Variants in ARHGAP8 observed in about 807,000 individuals in gnomAD.
ARHGAP8 encodes the protein rho GTPase-activating protein 8.
In ARHGAP8, 62 loss-of-function variants were observed where a neutral mutation model predicts 46.1. The ratio of observed to expected loss-of-function variants is 1.34; its 90% CI spans 1.10 to 1.66. The LOEUF (loss-of-function observed/expected upper bound fraction) is 1.66. ARHGAP8 is among the 40% of genes most tolerant of loss of function. ARHGAP8 has a pLI of 0.00. For missense variants in ARHGAP8, 923 were observed against 568.4 expected (o/e 1.62, Z -6.34); for synonymous variants, 375 against 243.1 (o/e 1.54, Z -5.05).
intron 7 of ARHGAP8, among the ~76,000 whole-genome samples, chr22:44,836,911 C>T (rs1264254294): frequency 6.6e-6 from 1 of 152,084 alleles, no homozygotes; most frequent in African/African-American, 2.4e-5. Flanking sequence ...CAGAGGCTCA[C>T]TCTGTCACCC....
intron 7 of ARHGAP8, among the ~76,000 whole-genome samples, chr22:44,832,912 A>T (rs546994947): frequency 1.1e-4 from 17 of 151,988 alleles, no homozygotes; most frequent in Non-Finnish European, 2.2e-4. Flanking sequence ...GGATCACTTG[A>T]GGCCGGGAGT....
Position 44,852,147 on chromosome 22 carries a change from G to A in ARHGAP8, c.877+3087G>A, listed in dbSNP as rs556775051. On this transcript the variant is annotated intron_variant, in intron 10 of 11. Coordinates refer to ENST00000356099, the MANE Select transcript of ARHGAP8 (RefSeq NM_181335.3). ...GCAGAGGTTGTAGTGAGCCGAGATC[G>A]CACTGCTGCACTCCAGCCTGGGCGA... Among the ~76,000 whole-genome samples, 7 of 130,650 alleles carry A rather than the reference G, an allele frequency of 5.4e-5. No homozygotes were observed. In the South Asian group the frequency reaches 1.1e-3, roughly 20 times the overall value. The allele number at this position is 130,650 out of a possible 152,430, so 85.7% of individuals were successfully genotyped here. A position where few individuals can be genotyped will look rare whatever the true frequency, so the allele number is the denominator to read the frequency against.
At chr22:44,834,853 G>C (rs970396600) in intron 7 of ARHGAP8, among the ~76,000 whole-genome samples, 1 of 151,522 alleles carries the variant, frequency 6.6e-6, no homozygotes, top group African/African-American at 2.4e-5. Flanking sequence ...TAAAAAAAAT[G>C]TCCTTCCTTG....
rs758057449 is a variant in ARHGAP8 at position 44,862,455 on chromosome 22, G to A, written c.1162G>A (p.Gly388Arg). Residue 388 changes from glycine to arginine, a missense_variant, in exon 12 of 12, where the codon GGG (glycine) becomes AGG (arginine). Gly to Arg is a moderately radical substitution (Grantham distance 125). Transcript: ENST00000356099. ...GATCTTCAGCACCCCGGAGGCACCT[G>A]GGGAGCACGGCCTGGCACCATGGGA... ...EKIFSTPEAP[G>R]EHGLAPWEQG... is the part of the protein sequence containing the mutation. 6.2e-6 allele frequency: 10 copies of A among 1,613,842 alleles called. No individual in the cohort carries two copies. The highest frequency in any genetic ancestry group is 3.3e-4 in the Middle Eastern group (2 of 6,084).
chr22:44,833,796 T>C (rs1472213939), intron 7 of ARHGAP8, among the ~76,000 whole-genome samples: 3 of 152,202 alleles, frequency 2.0e-5, no homozygotes, highest in Admixed American at 2.0e-4. Context: ...GGCTTTACTT[T>C]GTGGGAAGTT....
chr22:44,820,945 A>G (rs1310865364), intron 5 of ARHGAP8, among the ~76,000 whole-genome samples: 1 of 152,068 alleles, frequency 6.6e-6, no homozygotes, highest in Non-Finnish European at 1.5e-5. Flanking sequence ...ACCTGTCATG[A>G]TCTCCGTATT....
intron 4 of ARHGAP8, among the ~76,000 whole-genome samples, chr22:44,810,539 C>A (rs574847770): frequency 6.6e-6 from 1 of 152,190 alleles, no homozygotes; most frequent in Non-Finnish European, 1.5e-5. Context: ...TGTGCCCAGC[C>A]GGCAGGCTTT....
intron 5 of ARHGAP8, among the ~76,000 whole-genome samples, chr22:44,820,318 G>A (rs768732879): frequency 7.4e-4 from 113 of 152,306 alleles, no homozygotes; most frequent in Non-Finnish European, 1.3e-3. Flanking sequence ...AGAGAGGAAG[G>A]TGAGGGGCTG....
chr22:44,793,908 C>G (rs964801758), intron 2 of ARHGAP8, among the ~76,000 whole-genome samples: 1 of 152,250 alleles, frequency 6.6e-6, no homozygotes, highest in Non-Finnish European at 1.5e-5. Context: ...GGCATCAACA[C>G]AGATGCGGCA....
intron 1 of ARHGAP8, among the ~76,000 whole-genome samples, chr22:44,772,012 T>C (rs1318875410): frequency 1.3e-5 from 2 of 152,188 alleles, no homozygotes; most frequent in African/African-American, 2.4e-5. Flanking sequence ...AGTCTTTCAC[T>C]GTTCTGTATG....
intron 2 of ARHGAP8, among the ~76,000 whole-genome samples, chr22:44,792,587 G>A (rs1016455064): frequency 2.6e-5 from 4 of 152,198 alleles, no homozygotes; most frequent in Admixed American, 6.5e-5. Context: ...GCTCTCCTGC[G>A]TCCTTCAGGT....
chr22:44,792,605 G>A (rs548181987), intron 2 of ARHGAP8, among the ~76,000 whole-genome samples: 37 of 152,228 alleles, frequency 2.4e-4, no homozygotes, highest in African/African-American at 8.7e-4. Flanking sequence ...GGTGTGACTA[G>A]ATGTCACTCC....
rs549356329 is a variant in ARHGAP8, at chr22:44,857,139, C to A, written c.878-2592C>A. On this transcript the variant is annotated intron_variant, in intron 10 of 11. Transcript: ENST00000356099. ...ATTTTTAGTAGAGATGGGGTTTCTG[C>A]ATGTTGGTCAGGCTGGTCTCAAACT... Among the ~76,000 whole-genome samples the A allele has an allele frequency of 2.1e-5, 3 of 144,712 alleles. 1 individual carries two copies. The highest frequency in any genetic ancestry group is 8.2e-5 in the African/African-American group (3 of 36,550). The allele number at this position is 144,712 out of a possible 152,430, so 94.9% of individuals were successfully genotyped here.
Position 44,862,584 on chromosome 22 carries a change from A to AGAC in ARHGAP8, c.1293_1295dup (p.Arg432dup). ...TCCGAGTCCCCTGATGGCAGCCAGA[A>AGAC]GACGTCTCTAGTGTTGCGAACACTC... On this transcript the variant is annotated inframe_insertion, in exon 12 of 12. Coordinates refer to ENST00000356099, the MANE Select transcript of ARHGAP8 (RefSeq NM_181335.3). The AGAC allele has an allele frequency of 1.3e-6, 2 of 1,582,028 alleles. No individual in the cohort carries two copies. Among genetic ancestry groups the AGAC allele is most frequent in the South Asian group, 1.1e-5 (1 of 88,062 alleles).
intron 4 of ARHGAP8, chr22:44,809,315 A>G (rs930403122): frequency 2.7e-5 from 11 of 415,088 alleles, no homozygotes; most frequent in African/African-American, 4.2e-5. Flanking sequence ...ATAAAAAGCC[A>G]TTTTTAGCTT....
intron 1 of ARHGAP8, among the ~76,000 whole-genome samples, chr22:44,764,828 C>A (rs1473891336): frequency 6.6e-6 from 1 of 152,152 alleles, no homozygotes; most frequent in Non-Finnish European, 1.5e-5. Context: ...CGTGTCCCTG[C>A]GAGAGGGAGC....
At position 44,859,722 on chromosome 22, in the gene ARHGAP8, C is replaced by T. The variant is rs1363804013; in HGVS notation, c.878-9C>T. On this transcript the variant is annotated splice_polypyrimidine_tract_variant and intron_variant, in intron 10 of 11. Transcript: ENST00000356099. ...CTGGAGCTCAGCAGGGAGCCCCATG[C>T]CCTTCCAGGTGTGGAGAGCAGCCTG... 2.5e-6 allele frequency: 4 copies of T among 1,612,934 alleles called. 1 individual carries two copies. The South Asian group carries it at 3.3e-5, about 13-fold the overall frequency.
At chr22:44,845,576 T>G (rs926580987) in intron 8 of ARHGAP8, among the ~76,000 whole-genome samples, 1 of 152,172 alleles carries the variant, frequency 6.6e-6, no homozygotes, top group South Asian at 2.1e-4. Flanking sequence ...TGGGCCTCCA[T>G]TCCCTTGTCT....
intron 1 of ARHGAP8, among the ~76,000 whole-genome samples, chr22:44,779,048 C>T (rs552362388): frequency 2.7e-5 from 4 of 150,910 alleles, no homozygotes; most frequent in East Asian, 3.9e-4. Context: ...GGATACGTAA[C>T]GAAAAGCAGA....
Sources: allele counts gnomAD v4.1 joint callset (sites outside exome capture counted in the v4.1 genomes callset), GRCh38; gene constraint gnomAD v4.1.1; transcripts MANE v1.5; gene names NCBI Gene and HGNC (gene_info 2026-07-23, HGNC 2026-07-21).